TMEM232: variants seen among roughly 807,000 people sequenced by gnomAD.
The protein encoded by TMEM232 is transmembrane protein 232.
A neutral mutation model predicts 78.8 loss-of-function variants in TMEM232; 80 were observed. The ratio of observed to expected loss-of-function variants is 1.01; its 90% CI spans 0.85 to 1.22. The LOEUF is 1.22. Ranked by LOEUF, TMEM232 falls within the 50% of genes most tolerant of loss-of-function variation. The pLI is 0.00. For missense variants in TMEM232, 881 were observed against 742.2 expected, an observed-to-expected ratio of 1.19 and a Z score of -2.17; for synonymous variants, 297 against 254.3, an observed-to-expected ratio of 1.17 and a Z score of -1.60.
intron 2 of TMEM232, among the ~76,000 whole-genome samples, chr5:110,733,562 C>T (rs1798884112): frequency 6.6e-6 from 1 of 152,136 alleles, no homozygotes; most frequent in South Asian, 2.1e-4. Flanking sequence ...GGCCATTATC[C>T]TTAGCAAACT....
intron 12 of TMEM232, among the ~76,000 whole-genome samples, chr5:110,516,385 T>C (rs1053899537): frequency 9.9e-5 from 15 of 152,212 alleles, no homozygotes; most frequent in East Asian, 1.9e-4. Context: ...AATACACTTA[T>C]GAGAAACCTC....
At chr5:110,503,602 T>G (rs112890741) in intron 12 of TMEM232, among the ~76,000 whole-genome samples, 10 of 152,154 alleles carry the variant, frequency 6.6e-5, no homozygotes, top group Non-Finnish European at 1.2e-4. Context: ...AATGATTGAT[T>G]CCACTTTTCA....
At chr5:110,700,036 G>T (rs898868692) in intron 1 of TMEM232, among the ~76,000 whole-genome samples, 2 of 152,004 alleles carry the variant, frequency 1.3e-5, no homozygotes, top group Non-Finnish European at 2.9e-5. Context: ...GCTGAATAAT[G>T]GCTATCAAAA....
intron 12 of TMEM232, among the ~76,000 whole-genome samples, chr5:110,472,440 G>T (rs900055931): frequency 6.6e-6 from 1 of 151,900 alleles, no homozygotes; most frequent in Non-Finnish European, 1.5e-5. Flanking sequence ...TGCAGTGGAA[G>T]AATTAGTATT....
At chr5:110,668,575 T>C (rs889228057) in intron 1 of TMEM232, among the ~76,000 whole-genome samples, 6 of 152,268 alleles carry the variant, frequency 3.9e-5, no homozygotes, top group South Asian at 2.1e-4. Flanking sequence ...TCTATTGCTA[T>C]TGATGTATAG....
At chr5:110,540,081 T>TA (rs1331547270) in intron 11 of TMEM232, among the ~76,000 whole-genome samples, 1 of 152,158 alleles carries the variant, frequency 6.6e-6, no homozygotes, top group African/African-American at 2.4e-5. Context: ...TTTGCCAAGT[T>TA]AAAAATAGGC....
At chr5:110,710,480 G>C (rs1475852350) in intron 1 of TMEM232, among the ~76,000 whole-genome samples, 1 of 152,036 alleles carries the variant, frequency 6.6e-6, no homozygotes, top group East Asian at 1.9e-4. Flanking sequence ...GATGTATATT[G>C]ATGCAAAAAT....
intron 5 of TMEM232, among the ~76,000 whole-genome samples, chr5:110,633,020 A>C (rs1484626367): frequency 1.3e-5 from 2 of 152,170 alleles, no homozygotes; most frequent in African/African-American, 4.8e-5. Context: ...AGCAGACTAA[A>C]AGTGGATTTC....
At chr5:110,575,245 A>G (rs1777446610) in intron 10 of TMEM232, among the ~76,000 whole-genome samples, 1 of 152,082 alleles carries the variant, frequency 6.6e-6, no homozygotes, top group Admixed American at 6.6e-5. Flanking sequence ...ATTGATCATT[A>G]CATATATTAA....
Position 110,631,791 on chromosome 5 carries a change from A to G in TMEM232, c.502-3911T>C, listed in dbSNP as rs139497143. 7.4e-3 allele frequency among the ~76,000 whole-genome samples: 1,130 copies of G among 152,212 alleles called. 6 individuals are homozygous for G. The highest frequency in any genetic ancestry group is 0.034 in the Middle Eastern group (10 of 294). On this transcript the variant is annotated intron_variant, in intron 5 of 13. Transcript: ENST00000455884. ...GTAGCCATCTCCAACATCAGCATGCACTGCTCAGGACCCAGAAGGTTGTCC... is the reference window on the plus strand; with the variant it reads ...GTAGCCATCTCCAACATCAGCATGCGCTGCTCAGGACCCAGAAGGTTGTCC...
At chr5:110,592,515 C>T (rs1020696790) in intron 10 of TMEM232, among the ~76,000 whole-genome samples, 1 of 152,104 alleles carries the variant, frequency 6.6e-6, no homozygotes, top group Non-Finnish European at 1.5e-5. Flanking sequence ...CTCTTTAATG[C>T]AGATCAAACC....
chr5:110,498,480 C>A (rs1440633157), intron 12 of TMEM232, among the ~76,000 whole-genome samples: 3 of 151,970 alleles, frequency 2.0e-5, no homozygotes. Flanking sequence ...ATGAAAGTAG[C>A]TTAATTTGAA....
chr5:110,682,153 C>T (rs1402136445), intron 1 of TMEM232, among the ~76,000 whole-genome samples: 2 of 151,894 alleles, frequency 1.3e-5, no homozygotes, highest in Non-Finnish European at 2.9e-5. Context: ...TATAATTTTT[C>T]CTGAATCAGC....
intron 12 of TMEM232, among the ~76,000 whole-genome samples, chr5:110,441,358 A>G (rs1313823858): frequency 6.6e-6 from 1 of 152,174 alleles, no homozygotes; most frequent in Non-Finnish European, 1.5e-5. Context: ...TCTTCCAGGA[A>G]AAGTTAAGAA....
chr5:110,459,468 G>C (rs1023321265), intron 12 of TMEM232, among the ~76,000 whole-genome samples: 15 of 152,000 alleles, frequency 9.9e-5, no homozygotes, highest in African/African-American at 3.6e-4. Flanking sequence ...AATATTATGA[G>C]AGCATGCCTA....
chr5:110,669,558 C>T (rs1057148671), intron 1 of TMEM232, among the ~76,000 whole-genome samples: 16 of 152,110 alleles, frequency 1.1e-4, no homozygotes, highest in East Asian at 3.9e-4. Context: ...AGGTACAAGG[C>T]GGAACTAGTA....
chr5:110,413,015 T>A (rs1756054063), intron 2 of TMEM232, among the ~76,000 whole-genome samples: 1 of 152,184 alleles, frequency 6.6e-6, no homozygotes, highest in African/African-American at 2.4e-5. Context: ...TATTTAATAA[T>A]GAGTGTCAAC....
intron 2 of TMEM232, among the ~76,000 whole-genome samples, chr5:110,732,359 A>C (rs2150380580): frequency 6.6e-6 from 1 of 152,008 alleles, no homozygotes; most frequent in African/African-American, 2.4e-5. Context: ...GCAACGTCCT[A>C]CTCTATTGGT....
intron 1 of TMEM232, among the ~76,000 whole-genome samples, chr5:110,692,611 G>C (rs1016804858): frequency 2.6e-5 from 4 of 152,184 alleles, no homozygotes; most frequent in Non-Finnish European, 4.4e-5. Context: ...CTAATACTGC[G>C]CTTTTCCAAC....
Sources: allele counts gnomAD v4.1 joint callset (sites outside exome capture counted in the v4.1 genomes callset), GRCh38; gene constraint gnomAD v4.1.1; transcripts MANE v1.5; gene names NCBI Gene and HGNC (gene_info 2026-07-23, HGNC 2026-07-21).